The following LMBR1 variants were observed in gnomAD, a reference collection of about 807,000 sequenced individuals.
LMBR1 encodes the protein limb development membrane protein 1.
Under a neutral mutation model 73.9 loss-of-function variants are expected in LMBR1, and 52 were observed. The observed-to-expected ratio is 0.70, with a 90% CI of 0.56 to 0.89. The LOEUF (loss-of-function observed/expected upper bound fraction) is 0.89. Ranked by LOEUF, LMBR1 falls within the 40% of genes least tolerant of loss-of-function variation. The pLI, the probability that LMBR1 is intolerant of heterozygous loss-of-function variation, is 0.00. For missense variants in LMBR1, 539 were observed against 579.8 expected (o/e 0.93, Z 0.72); for synonymous variants, 215 against 209.4 (o/e 1.03, Z -0.23).
chr7:156,791,055 T>C (rs146717731), intron 5 of LMBR1, among the ~76,000 whole-genome samples: 1 of 152,322 alleles, frequency 6.6e-6, no homozygotes, highest in African/African-American at 2.4e-5. Flanking sequence ...TATTAATAAA[T>C]TGCTCTATGA....
At chr7:156,873,563 G>C (rs1343601685) in intron 1 of LMBR1, among the ~76,000 whole-genome samples, 1 of 151,872 alleles carries the variant, frequency 6.6e-6, no homozygotes, top group African/African-American at 2.4e-5. Context: ...GGCCTGTTTT[G>C]TCAGGGTGCT....
intron 1 of LMBR1, among the ~76,000 whole-genome samples, chr7:156,888,534 A>G (rs1425986263): frequency 6.6e-6 from 1 of 152,220 alleles, no homozygotes; most frequent in East Asian, 1.9e-4. Context: ...ATTATTCACA[A>G]TAGCCAAAAA....
rs1234526773 is a variant in LMBR1, at chr7:156,763,853, G to C, written c.424-58C>G. ...TTTTACTTCATTTCATGAACAATAA[G>C]GTTTCTGCCTATATGAAAGCATAAA... is the stretch of plus-strand genomic sequence containing the variant. On this transcript the variant is annotated intron_variant, in intron 5 of 16. Coordinates refer to ENST00000353442, the MANE Select transcript of LMBR1 (RefSeq NM_022458.4). 2.1e-6 allele frequency: 3 copies of C among 1,417,710 alleles called. No individual in the cohort carries two copies. In the African/African-American group the frequency reaches 4.4e-5, roughly 21 times the overall value. 87.8% of individuals were successfully genotyped at this position (1,417,710 alleles called of 1,614,324 possible).
At chr7:156,833,641 G>T in intron 3 of LMBR1, 112 bp downstream of exon 3, 1 of 734,800 alleles carries the variant, frequency 1.4e-6, no homozygotes, top group Non-Finnish European at 2.3e-6. Flanking sequence ...TAAAGCTATT[G>T]TAATGTGCTG....
chr7:156,767,874 GA>G (rs1308336625), intron 5 of LMBR1, among the ~76,000 whole-genome samples: 31 of 151,994 alleles, frequency 2.0e-4, no homozygotes, highest in Non-Finnish European at 1.5e-5. Flanking sequence ...TAAAAAAAGT[GA>G]AAATGATTAA....
At chr7:156,709,387 C>G (rs1233948105) in intron 15 of LMBR1, among the ~76,000 whole-genome samples, 2 of 152,194 alleles carry the variant, frequency 1.3e-5, no homozygotes, top group Non-Finnish European at 2.9e-5. Context: ...TCACTCCTGG[C>G]ATAACCAGCA....
chr7:156,714,705 A>G (rs371361953), intron 15 of LMBR1, among the ~76,000 whole-genome samples: 9 of 152,228 alleles, frequency 5.9e-5, no homozygotes, highest in African/African-American at 2.2e-4. Context: ...CTCTGAATGG[A>G]AAGAAGGGAC....
chr7:156,706,047 C>G (rs1164694341), intron 15 of LMBR1, among the ~76,000 whole-genome samples: 4 of 151,794 alleles, frequency 2.6e-5, no homozygotes, highest in Non-Finnish European at 5.9e-5. Flanking sequence ...TCCACCTTAC[C>G]TATGAAGACA....
chr7:156,754,897 A>G (rs1183793173), intron 9 of LMBR1, among the ~76,000 whole-genome samples: 2 of 152,204 alleles, frequency 1.3e-5, no homozygotes, highest in East Asian at 3.9e-4. Context: ...TAAATCATTT[A>G]GCTCTTTATT....
chr7:156,812,287 C>T (rs1833223814), intron 4 of LMBR1, among the ~76,000 whole-genome samples: 2 of 152,078 alleles, frequency 1.3e-5, no homozygotes, highest in Non-Finnish European at 1.5e-5. Flanking sequence ...AATCTAATTA[C>T]ATGAGCCTTT....
At chr7:156,853,775 C>T (rs1322014537) in intron 1 of LMBR1, among the ~76,000 whole-genome samples, 2 of 152,100 alleles carry the variant, frequency 1.3e-5, no homozygotes, top group Non-Finnish European at 2.9e-5. Context: ...CCCGCCTCAG[C>T]CTCCCAAGTA....
chr7:156,703,005 T>G (rs1416405619), intron 15 of LMBR1, among the ~76,000 whole-genome samples: 1 of 151,648 alleles, frequency 6.6e-6, no homozygotes, highest in Non-Finnish European at 1.5e-5. Context: ...TATGGAAGAG[T>G]GTAAGTGAGT....
chr7:156,750,724 C>T (rs1461167464), intron 9 of LMBR1, among the ~76,000 whole-genome samples: 2 of 152,150 alleles, frequency 1.3e-5, no homozygotes, highest in Non-Finnish European at 2.9e-5. Context: ...ATGTGTCTAG[C>T]AACATTATAG....
chr7:156,756,903 GC>G (rs1278968213), intron 8 of LMBR1, among the ~76,000 whole-genome samples: 2 of 152,112 alleles, frequency 1.3e-5, no homozygotes, highest in Non-Finnish European at 2.9e-5. Context: ...TGCAACCTCT[GC>G]CTCCCGGGGT....
chr7:156,688,244 A>G (rs1806381446), intron 15 of LMBR1, 53 bp from the exon 16 acceptor site: 1 of 1,303,370 alleles, frequency 7.7e-7, no homozygotes, highest in Non-Finnish European at 1.1e-6. Context: ...AGACATATTT[A>G]GTGTGCTACA....
chr7:156,736,350 A>G (rs1365483470), intron 9 of LMBR1: 5 of 299,478 alleles, frequency 1.7e-5, no homozygotes, highest in South Asian at 2.9e-5. Flanking sequence ...ACACTTAGTA[A>G]AATATAGAGC....
At chr7:156,736,725 A>C in intron 9 of LMBR1, 1 of 367,868 alleles carries the variant, frequency 2.7e-6, no homozygotes, top group Admixed American at 3.2e-5. Context: ...CAATGTCTAC[A>C]TTATTATAAC....
chr7:156,704,506 C>T (rs896281342), intron 15 of LMBR1, among the ~76,000 whole-genome samples: 18 of 150,894 alleles, frequency 1.2e-4, no homozygotes, highest in Non-Finnish European at 2.2e-4. Context: ...TCCGGATGCG[C>T]AGAAATCAAT....
intron 9 of LMBR1, among the ~76,000 whole-genome samples, chr7:156,746,499 T>C (rs1457039519): frequency 1.3e-5 from 2 of 152,168 alleles, no homozygotes; most frequent in Non-Finnish European, 2.9e-5. Context: ...GGAAAATAAC[T>C]AAAATGGCAT....
Sources: gnomAD v4.1 joint callset for allele counts (sites outside exome capture counted in the v4.1 genomes callset) on GRCh38, gnomAD v4.1.1 for gene constraint, MANE v1.5 for transcripts, NCBI Gene and HGNC (gene_info 2026-07-23, HGNC 2026-07-21) for gene names.